Variants in RELN observed in about 807,000 individuals in gnomAD.
RELN encodes reelin.
Under a neutral mutation model 427.6 loss-of-function variants are expected in RELN, and 108 were observed. The ratio of observed to expected loss-of-function variants is 0.25; its 90% CI spans 0.22 to 0.30. The LOEUF (loss-of-function observed/expected upper bound fraction) is 0.30. Among genes scored for constraint, RELN ranks in the 10% least tolerant of loss-of-function variants. The probability of loss-of-function intolerance (pLI) is 1.00; values close to 1 mark genes in which losing one functional copy is unlikely to be tolerated. For missense variants in RELN, 3,715 were observed against 4,302.8 expected (o/e 0.86, Z 3.82); for synonymous variants, 1,524 against 1,513.4 (o/e 1.01, Z -0.16).
intron 1 of RELN, among the ~76,000 whole-genome samples, chr7:103,979,808 C>T (rs1022440808): frequency 5.3e-5 from 8 of 152,142 alleles, no homozygotes; most frequent in Admixed American, 2.0e-4. Context: ...TTTCAATTCT[C>T]TTATATTCAA....
chr7:103,568,560 A>G (rs1319535139), intron 31 of RELN, among the ~76,000 whole-genome samples: 2 of 152,190 alleles, frequency 1.3e-5, no homozygotes, highest in Non-Finnish European at 2.9e-5. Flanking sequence ...AGAAAATGGA[A>G]GCAAGGCTGT....
intron 2 of RELN, among the ~76,000 whole-genome samples, chr7:103,908,773 A>C (rs986919666): frequency 6.6e-6 from 1 of 152,218 alleles, no homozygotes; most frequent in Non-Finnish European, 1.5e-5. Context: ...GTAAGAATGG[A>C]ATACTCAAAT....
chr7:103,644,113 A>C (rs909037145), intron 16 of RELN, among the ~76,000 whole-genome samples: 1 of 151,876 alleles, frequency 6.6e-6, no homozygotes, highest in Non-Finnish European at 1.5e-5. Context: ...AGAGAAAAAA[A>C]ATTCCATCCA....
intron 21 of RELN, 29 bp from the exon 22 acceptor site, chr7:103,610,836 C>T: frequency 7.6e-7 from 1 of 1,323,842 alleles, no homozygotes; most frequent in Non-Finnish European, 1.1e-6. Flanking sequence ...CAAATCAAAC[C>T]CAGCTTCTGT....
In RELN at chr7:103,822,907, C is replaced by G. The variant is rs1335845526; in HGVS notation, c.473+10630G>C. 4.2e-5 allele frequency among the ~76,000 whole-genome samples: 6 copies of G among 142,338 alleles called. 3 individuals carry two copies. In the East Asian group the frequency reaches 1.2e-3, roughly 30 times the overall value. 93.4% of individuals were successfully genotyped at this position (142,338 alleles called of 152,430 possible). A position where few individuals can be genotyped will look rare whatever the true frequency, so the allele number is the denominator to read the frequency against. Reference sequence around the variant, plus strand: ...CCGCAGTCCGGCCTGGGCGACAGAGCGAGACTCCGTCTCAAAAAAAAAAAA... The same window carrying G: ...CCGCAGTCCGGCCTGGGCGACAGAGGGAGACTCCGTCTCAAAAAAAAAAAA... On this transcript the variant is annotated intron_variant, in intron 3 of 64. Coordinates refer to ENST00000428762, the MANE Select transcript of RELN (RefSeq NM_005045.4).
chr7:103,633,578 A>G (rs995602262), intron 19 of RELN, among the ~76,000 whole-genome samples: 1 of 152,092 alleles, frequency 6.6e-6, no homozygotes, highest in Non-Finnish European at 1.5e-5. Flanking sequence ...CCATGCACAT[A>G]TCTAATACTG....
intron 50 of RELN, chr7:103,513,537 A>T (rs1484933835): frequency 6.6e-6 from 1 of 152,216 alleles, no homozygotes; most frequent in Non-Finnish European, 1.5e-5. Flanking sequence ...TTCTTAAGAG[A>T]ATATGACACT....
chr7:103,651,868 T>G, intron 14 of RELN, 79 bp from the exon 15 acceptor site: 1 of 1,424,478 alleles, frequency 7.0e-7, no homozygotes. Context: ...CAACTCTGGT[T>G]AAGTACATTA....
intron 46 of RELN, among the ~76,000 whole-genome samples, chr7:103,532,821 C>T (rs956628032): frequency 6.6e-6 from 1 of 152,154 alleles, no homozygotes; most frequent in African/African-American, 2.4e-5. Flanking sequence ...TCACATCACC[C>T]TACGATACAG....
rs578224372 is a variant in RELN at position 103,563,998 on chromosome 7, C to T, written c.5210+1280G>A. On this transcript the variant is annotated intron_variant, in intron 34 of 64. Transcript: ENST00000428762. The surrounding 1 kb of genome is among the most constrained non-coding windows in gnomAD (Gnocchi z 4.1). Reference sequence around the variant, plus strand: ...TTCACACAACAATGGAATTGCCTAACGATGCATTTCTCAGATGTATCACCA... The same window carrying T: ...TTCACACAACAATGGAATTGCCTAATGATGCATTTCTCAGATGTATCACCA... 7.4e-4 allele frequency among the ~76,000 whole-genome samples: 113 copies of T among 152,272 alleles called. No individual in the cohort carries two copies. Among genetic ancestry groups the T allele is most frequent in the African/African-American group, 2.6e-3 (107 of 41,554 alleles).
intron 1 of RELN, among the ~76,000 whole-genome samples, chr7:103,930,418 G>C (rs571971845): frequency 1.3e-3 from 204 of 151,922 alleles, no homozygotes; most frequent in Non-Finnish European, 2.3e-3. Flanking sequence ...AATGGCAGGG[G>C]GTTGTGGCGG....
intron 51 of RELN, among the ~76,000 whole-genome samples, chr7:103,508,452 G>A (rs1340711223): frequency 6.6e-6 from 1 of 152,118 alleles, no homozygotes; most frequent in Admixed American, 6.5e-5. Flanking sequence ...ATATTCAGTA[G>A]CCCTTCATGT....
intron 1 of RELN, among the ~76,000 whole-genome samples, chr7:103,934,759 C>CA (rs2116717982): frequency 6.6e-6 from 1 of 152,302 alleles, no homozygotes; most frequent in African/African-American, 2.4e-5. Context: ...GCAGCAGCAG[C>CA]AAAGGGCACT....
At chr7:103,571,160 A>G (rs565876294) in intron 31 of RELN, among the ~76,000 whole-genome samples, 59 of 152,352 alleles carry the variant, frequency 3.9e-4, no homozygotes, top group African/African-American at 1.4e-3. Context: ...TGGTAGCTCT[A>G]CTGACTAATA....
At chr7:103,617,612 A>G (rs964562099) in intron 20 of RELN, among the ~76,000 whole-genome samples, 2 of 150,596 alleles carry the variant, frequency 1.3e-5, no homozygotes, top group African/African-American at 2.5e-5. Flanking sequence ...CCTTTCAGAT[A>G]TATATATACA....
rs116565285 is a variant in RELN at position 103,890,055 on chromosome 7, C to T, written c.337+27020G>A. On this transcript the variant is annotated intron_variant, in intron 2 of 64. Coordinates refer to ENST00000428762, the MANE Select transcript of RELN (RefSeq NM_005045.4). The stretch of plus-strand genomic sequence containing the variant: ...TCCTCTCTCACGTTTGACTTCACTC[C>T]AGCCCTTCCATGGCACCTCTGGCAA... Among the ~76,000 whole-genome samples, 465 of 152,218 alleles carry T rather than the reference C, an allele frequency of 3.1e-3. 1 individual carries two copies. The highest frequency in any genetic ancestry group is 0.011 in the African/African-American group (438 of 41,554).
intron 10 of RELN, among the ~76,000 whole-genome samples, chr7:103,683,485 G>A (rs751735497): frequency 1.3e-5 from 2 of 152,138 alleles, no homozygotes; most frequent in Non-Finnish European, 2.9e-5. Flanking sequence ...TTCAGTAAAT[G>A]ACAGACCGCA....
At chr7:103,672,657 CAAT>C (rs1389567550) in intron 11 of RELN, among the ~76,000 whole-genome samples, 2 of 151,714 alleles carry the variant, frequency 1.3e-5, no homozygotes, top group African/African-American at 2.4e-5. Flanking sequence ...TTTTTTTTCC[CAAT>C]AATATATTTC....
At chr7:103,617,651 A>T (rs917927220) in intron 20 of RELN, among the ~76,000 whole-genome samples, 2 of 151,534 alleles carry the variant, frequency 1.3e-5, no homozygotes, top group Admixed American at 6.6e-5. Context: ...ATGTGTGTAT[A>T]TATACATTTT....
Sources: gnomAD v4.1 joint callset for allele counts (sites outside exome capture counted in the v4.1 genomes callset) on GRCh38, gnomAD v4.1.1 for gene constraint, Gnocchi (gnomAD v3.1) non-coding constraint, MANE v1.5 for transcripts, NCBI Gene and HGNC (gene_info 2026-07-23, HGNC 2026-07-21) for gene names.